Variants in NLRP9 observed in about 807,000 individuals in gnomAD.
The protein encoded by NLRP9 is NLR family pyrin domain containing 9.
A neutral mutation model predicts 83.1 loss-of-function variants in NLRP9; 88 were observed. The ratio of observed to expected loss-of-function variants is 1.06; its 90% CI spans 0.89 to 1.26. NLRP9 has a LOEUF of 1.26. NLRP9 is among the 50% of genes most tolerant of loss of function. The pLI, the probability that NLRP9 is intolerant of heterozygous loss-of-function variation, is 0.00. For synonymous variants in NLRP9, 521 were observed against 447.6 expected (o/e 1.16, Z -2.07); for missense variants, 1,308 against 1,179.3 (o/e 1.11, Z -1.60).
At chr19:55,716,706 T>G (rs1386036599) in intron 5 of NLRP9, 22 bp downstream of exon 5, 2 of 1,606,432 alleles carry the variant, frequency 1.2e-6, no homozygotes, top group Non-Finnish European at 1.7e-6. Context: ...TCTCCGAACG[T>G]GCTTCCCGCA....
intron 4 of NLRP9, 59 bp from the exon 5 acceptor site, chr19:55,716,957 T>C: frequency 2.1e-6 from 3 of 1,432,092 alleles, no homozygotes; most frequent in South Asian, 1.2e-5. Flanking sequence ...CATGAAACAT[T>C]ATCCACAGAC....
At chr19:55,722,190 A>T (rs574383094) in intron 4 of NLRP9, among the ~76,000 whole-genome samples, 1 of 152,148 alleles carries the variant, frequency 6.6e-6, no homozygotes, top group Non-Finnish European at 1.5e-5. Flanking sequence ...TAGTTAGTTT[A>T]CCCCAAAAGG....
At position 55,730,483 on chromosome 19, in the gene NLRP9, A is replaced by C. The variant is rs183140050; in HGVS notation, c.1833-491T>G. ...AAAAAAAAAAAGGAGCACTATTTAC[A>C]ATAGCAAAGACATGGAATCAACCTA... On this transcript the variant is annotated intron_variant, in intron 2 of 8. Transcript: ENST00000332836. Among the ~76,000 whole-genome samples, 627 of 152,058 alleles carry C rather than the reference A, an allele frequency of 4.1e-3. 5 individuals are homozygous for C. Among genetic ancestry groups the C allele is most frequent in the Admixed American group, 6.9e-3 (106 of 15,272 alleles).
intron 4 of NLRP9, among the ~76,000 whole-genome samples, chr19:55,721,927 C>A (rs139434362): frequency 6.6e-6 from 1 of 151,294 alleles, no homozygotes; most frequent in African/African-American, 2.4e-5. Flanking sequence ...AACTGCAAGT[C>A]CAATAAACCT....
In NLRP9 at chr19:55,737,974, A is replaced by G. The variant is rs367629288; in HGVS notation, c.280+121T>C. Reference sequence around the variant, plus strand: ...TGGCCTGCAACTCTTCCTACCTTCAACTCTCACCTTGACCCACACACATTC... The same window carrying G: ...TGGCCTGCAACTCTTCCTACCTTCAGCTCTCACCTTGACCCACACACATTC... On this transcript the variant is annotated intron_variant, in intron 1 of 8. Transcript: ENST00000332836. 19 of 949,866 alleles carry G rather than the reference A, an allele frequency of 2.0e-5. 1 individual carries two copies. In the African/African-American group the frequency reaches 2.6e-4, roughly 13 times the overall value. 58.8% of individuals were successfully genotyped at this position (949,866 alleles called of 1,614,324 possible).
chr19:55,711,774 C>A (rs1987736757), intron 8 of NLRP9, 26 bp downstream of exon 8: 33 of 1,609,072 alleles, frequency 2.1e-5, no homozygotes, highest in Non-Finnish European at 2.8e-5. Flanking sequence ...AAGTCACTCA[C>A]CCCAAAGGAA....
At chr19:55,719,152 T>TC (rs962498679) in intron 4 of NLRP9, among the ~76,000 whole-genome samples, 3 of 152,206 alleles carry the variant, frequency 2.0e-5, no homozygotes, top group African/African-American at 7.2e-5. Context: ...CCTGACCCCT[T>TC]CCTTGGGTTA....
At chr19:55,723,835 C>T (rs1194838313) in intron 4 of NLRP9, 145 bp downstream of exon 4, 3 of 627,662 alleles carry the variant, frequency 4.8e-6, no homozygotes, top group East Asian at 5.6e-5. Flanking sequence ...CTACCTTCAC[C>T]TTATGAGAGA....
In NLRP9 at chr19:55,733,349, A is replaced by C. The variant is rs774349268; in HGVS notation, c.482T>G (p.Leu161Arg). Reference protein sequence around the residue: ...EGPDGIGKTTLLRKVMLDWAE... With the variant: ...EGPDGIGKTTRLRKVMLDWAE... ...CCAGTCCAACATCACTTTTCTTAAA[A>C]GGGTTGTTTTTCCAATTCCATCAGG... The change falls in exon 2 of 9, where the codon CTT (leucine) becomes CGT (arginine). Residue 161 changes from leucine to arginine, a missense_variant. Physicochemically the swap from Leu to Arg is moderately radical, Grantham distance 102. Coordinates refer to ENST00000332836, the MANE Select transcript of NLRP9 (RefSeq NM_176820.4). The C allele has an allele frequency of 5.6e-6, 9 of 1,614,032 alleles. No individual in the cohort carries two copies. The highest frequency in any genetic ancestry group is 6.8e-6 in the Non-Finnish European group (8 of 1,180,010).
Position 55,732,496 on chromosome 19 carries a change from A to G in NLRP9, c.1335T>C (p.His445=), listed in dbSNP as rs1189210679. The change falls in exon 2 of 9, where the codon CAT becomes CAC. Residue 445 remains histidine, a synonymous_variant. Transcript: ENST00000332836. The part of the protein sequence containing the change: ...QRRGDCFAFM[H]LCIQEFCAAM... ...CGGCACAAAACTCTTGGATACACAG[A>G]TGCATGAAGGCAAAACAGTCCCCTC... 6.8e-6 allele frequency: 11 copies of G among 1,614,204 alleles called. No individual in the cohort carries two copies. Among genetic ancestry groups the G allele is most frequent in the South Asian group, 1.1e-5 (1 of 91,082 alleles).
chr19:55,725,210 A>G (rs1339930363), intron 3 of NLRP9, among the ~76,000 whole-genome samples: 1 of 152,248 alleles, frequency 6.6e-6, no homozygotes, highest in Admixed American at 6.5e-5. Context: ...AGATATGTAC[A>G]TATTTACCAG....
Position 55,708,979 on chromosome 19 carries a change from G to A in NLRP9, c.2909C>T (p.Pro970Leu), listed in dbSNP as rs1486219424. The change falls in exon 9 of 9, where the codon CCC becomes CTC. Residue 970 changes from proline (P) to leucine (L), a missense_variant. Physicochemically the swap from Pro to Leu is moderately conservative, Grantham distance 98. Coordinates refer to ENST00000332836, the MANE Select transcript of NLRP9 (RefSeq NM_176820.4). ...KILMSVEEKI[P>L]HLTISHGPWI... is the part of the protein sequence containing the mutation. ...AGGTCCATGTGAAATGGTCAGATGG[G>A]GAATTTTTTCTTCCACAGACATCAG... 6.3e-7 allele frequency: 1 copy of A among 1,593,580 alleles called. No homozygotes were observed.
chr19:55,727,620 AG>A (rs1988440685), intron 3 of NLRP9, among the ~76,000 whole-genome samples: 1 of 152,192 alleles, frequency 6.6e-6, no homozygotes, highest in African/African-American at 2.4e-5. Flanking sequence ...GAAAAAAAAC[AG>A]TTCAGTGAGG....
intron 1 of NLRP9, among the ~76,000 whole-genome samples, chr19:55,734,173 T>C (rs1481155926): frequency 6.6e-6 from 1 of 151,782 alleles, no homozygotes; most frequent in Non-Finnish European, 1.5e-5. Flanking sequence ...TCCACCCACC[T>C]TGGCCTCCCA....
At chr19:55,716,500 C>T (rs1988018616) in intron 5 of NLRP9, among the ~76,000 whole-genome samples, 1 of 151,988 alleles carries the variant, frequency 6.6e-6, no homozygotes, top group African/African-American at 2.4e-5. Flanking sequence ...CTCAGGTGAT[C>T]CTCCCGCCTC....
intron 1 of NLRP9, among the ~76,000 whole-genome samples, chr19:55,734,538 T>C (rs1045130497): frequency 2.3e-5 from 3 of 132,388 alleles, no homozygotes; most frequent in Non-Finnish European, 4.9e-5. Context: ...TATATATATA[T>C]ATATACATAT....
chr19:55,730,104 C>A (rs969703943), intron 2 of NLRP9, 112 bp from the exon 3 acceptor site: 6 of 941,936 alleles, frequency 6.4e-6, no homozygotes, highest in Non-Finnish European at 9.6e-6. Flanking sequence ...GACACCCAGG[C>A]CTGAACAGGG....
In NLRP9 at chr19:55,716,882, T is replaced by C; in HGVS notation, c.2176A>G (p.Ile726Val). The C allele has an allele frequency of 6.2e-7, 1 of 1,613,700 alleles. No homozygotes were observed. The highest frequency in any genetic ancestry group is 8.5e-7 in the Non-Finnish European group (1 of 1,179,832). ...ATGTCTTCACAAACTTCACTGGAGA[T>C]GTCACACTTTCCCAGTCTACATGTG... ...IEELILGKCD[I>V]SSEVCEDIAS... Residue 726 changes from isoleucine to valine, a missense_variant, in exon 5 of 9, where the codon ATC becomes GTC. Physicochemically the swap from Ile to Val is conservative, Grantham distance 29 (BLOSUM62 3). Transcript: ENST00000332836.
intron 5 of NLRP9, among the ~76,000 whole-genome samples, chr19:55,716,160 T>C (rs1435864558): frequency 6.6e-6 from 1 of 152,214 alleles, no homozygotes; most frequent in Non-Finnish European, 1.5e-5. Context: ...ACTCTGTTAA[T>C]TAGCTTGATT....
Sources: allele counts gnomAD v4.1 joint callset (sites outside exome capture counted in the v4.1 genomes callset), GRCh38; gene constraint gnomAD v4.1.1; transcripts MANE v1.5; gene names NCBI Gene and HGNC (gene_info 2026-07-23, HGNC 2026-07-21).